Variants in ATP12A observed in about 807,000 individuals in gnomAD.
The protein encoded by ATP12A is potassium-transporting ATPase alpha chain 2.
Under a neutral mutation model 111.2 loss-of-function variants are expected in ATP12A, and 81 were observed. The observed-to-expected ratio is 0.73, with a 90% confidence interval of 0.61 to 0.88. ATP12A has a LOEUF of 0.88. Among genes scored for constraint, ATP12A ranks in the 40% least tolerant of loss-of-function variants. ATP12A has a pLI of 0.00. For missense variants in ATP12A, 1,196 were observed against 1,313.1 expected (o/e 0.91, Z 1.38); for synonymous variants, 498 against 499.8 (o/e 1.00, Z 0.05).
intron 12 of ATP12A, 34 bp from the exon 13 acceptor site, chr13:24,700,713 G>A (rs1013132520): frequency 4.4e-6 from 7 of 1,589,486 alleles, no homozygotes; most frequent in African/African-American, 1.3e-5. Context: ...TCCTATTCTA[G>A]TTTCACTGAC....
chr13:24,682,093 TGTG>T (rs1220187650), intron 2 of ATP12A, among the ~76,000 whole-genome samples: 3 of 104,048 alleles, frequency 2.9e-5, no homozygotes, highest in African/African-American at 4.1e-5. Flanking sequence ...GTGTGGTGTG[TGTG>T]ATGTGTGTGT....
chr13:24,688,784 A>G (rs1287184651), intron 4 of ATP12A, among the ~76,000 whole-genome samples: 4 of 152,222 alleles, frequency 2.6e-5, no homozygotes, highest in Admixed American at 2.0e-4. Context: ...GTCTCCCCCA[A>G]GCTAACCTCT....
rs904253777 is a variant in ATP12A, at chr13:24,685,466, G to A, written c.228+93G>A. On this transcript the variant is annotated intron_variant, in intron 3 of 22. Transcript: ENST00000381946. The surrounding 1 kb of genome is among the most constrained non-coding windows in gnomAD (Gnocchi z 5.5). Reference sequence around the variant, plus strand: ...GCGGGGGGCTGTGTGGAAGAGTAGCGGCACCTTTAGGAGGAGGGGCCCCTG... The same window carrying A: ...GCGGGGGGCTGTGTGGAAGAGTAGCAGCACCTTTAGGAGGAGGGGCCCCTG... The A allele has an allele frequency of 1.7e-5, 22 of 1,333,064 alleles. No homozygotes were observed. The highest frequency in any genetic ancestry group is 3.7e-4 in the Middle Eastern group (2 of 5,468). The allele number at this position is 1,333,064 out of a possible 1,614,324, so 82.6% of individuals were successfully genotyped here.
At chr13:24,695,811 G>T (rs1421267073) in intron 11 of ATP12A, among the ~76,000 whole-genome samples, 1 of 152,090 alleles carries the variant, frequency 6.6e-6, no homozygotes, top group Admixed American at 6.5e-5. Context: ...GTTTCACCTT[G>T]TTGGCTGGGC....
chr13:24,708,621 G>A (rs1875770235), intron 17 of ATP12A, among the ~76,000 whole-genome samples: 1 of 152,056 alleles, frequency 6.6e-6, no homozygotes, highest in African/African-American at 2.4e-5. Context: ...GACACCTGTA[G>A]CCTAGCTACT....
Position 24,688,458 on chromosome 13 carries a change from C to A in ATP12A, c.368C>A (p.Ala123Asp). ...TTCTCTATCCTCCTGTGGGTGGGCG[C>A]CTTTCTCTGTTGGATTGCATATGGG... ...GGFSILLWVG[A>D]FLCWIAYGIQ... The change falls in exon 4 of 23, where the codon GCC becomes GAC. Residue 123 changes from alanine (A) to aspartate (D), a missense_variant. Around this residue, in one of 3 missense-constraint regions of ATP12A, gnomAD observed 1,126 missense variants for 1,228.5 expected, o/e 0.92. Coordinates refer to ENST00000381946, the MANE Select transcript of ATP12A (RefSeq NM_001676.7). 1 of 1,613,862 alleles carries A rather than the reference C, an allele frequency of 6.2e-7. No individual in the cohort carries two copies.
At position 24,700,895 on chromosome 13, in the gene ATP12A, C is replaced by T; in HGVS notation, c.1854C>T (p.Val618=). The change falls in exon 13 of 23, where the codon GTC becomes GTT. Residue 618 remains valine, a synonymous_variant. Transcript: ENST00000381946. ...DPPRSTVPDA[V]TKCRSAGIKV... ...CTCGGTCCACCGTGCCAGATGCAGT[C>T]ACCAAATGCCGGAGTGCAGGGATCA... The T allele has an allele frequency of 6.2e-7, 1 of 1,614,156 alleles. No individual in the cohort carries two copies. Among genetic ancestry groups the T allele is most frequent in the Non-Finnish European group, 8.5e-7 (1 of 1,180,010 alleles).
At chr13:24,692,963 G>A (rs1874978295) in intron 10 of ATP12A, 67 bp downstream of exon 10, 2 of 1,429,298 alleles carry the variant, frequency 1.4e-6, no homozygotes, top group South Asian at 1.2e-5. Context: ...AGGTCTGATT[G>A]GGTGCTTGAT....
Position 24,712,229 on chromosome 13 carries a change from C to T in ATP12A, c.*707C>T, listed in dbSNP as rs1876004349. The T allele has an allele frequency of 6.6e-6, 1 of 152,624 alleles. No homozygotes were observed. The highest frequency in any genetic ancestry group is 2.4e-5 in the African/African-American group (1 of 41,452). The allele number at this position is 152,624 out of a possible 1,614,324, so 9.5% of individuals were successfully genotyped here. On this transcript the variant is annotated 3_prime_UTR_variant, in exon 23 of 23. Coordinates refer to ENST00000381946, the MANE Select transcript of ATP12A (RefSeq NM_001676.7). ...GAGCTCCCAGTTCATTTTGCATATCCTAACTCAAAATGCTCAGCTAATCCA... is the reference window on the plus strand; with the variant it reads ...GAGCTCCCAGTTCATTTTGCATATCTTAACTCAAAATGCTCAGCTAATCCA...
At chr13:24,701,517 A>C (rs12855472) in intron 13 of ATP12A, among the ~76,000 whole-genome samples, 1 of 148,732 alleles carries the variant, frequency 6.7e-6, no homozygotes, top group Admixed American at 6.8e-5. Flanking sequence ...AAAAAAAAAA[A>C]AAAGAAAGAA....
rs201116371 is a variant in ATP12A, at chr13:24,708,960, A to AGAAG, written c.2494-400_2494-397dup. Reference sequence around the variant, plus strand: ...AAGAAAGAAAGAAAGAAAGAAAGAAAGAAGGAAAGAGAAAGAGAAATGAAT... The same window carrying AGAAG: ...AAGAAAGAAAGAAAGAAAGAAAGAAAGAAGGAAGGAAAGAGAAAGAGAAATGAAT... On this transcript the variant is annotated intron_variant, in intron 17 of 22. Transcript: ENST00000381946. Among the ~76,000 whole-genome samples the AGAAG allele has an allele frequency of 1.8e-3, 224 of 126,496 alleles. 3 individuals carry two copies. The highest frequency in any genetic ancestry group is 5.8e-3 in the African/African-American group (206 of 35,510). 83.0% of individuals were successfully genotyped at this position (126,496 alleles called of 152,430 possible).
chr13:24,696,424 G>GCCT (rs1555254814), intron 11 of ATP12A, among the ~76,000 whole-genome samples: 1 of 134,240 alleles, frequency 7.4e-6, no homozygotes, highest in Admixed American at 8.5e-5. Context: ...GGGGAGAGGG[G>GCCT]GGCCGGGCGC....
chr13:24,706,956 C>T (rs1875680410), intron 15 of ATP12A, 67 bp from the exon 16 acceptor site: 1 of 1,495,668 alleles, frequency 6.7e-7, no homozygotes, highest in Admixed American at 2.3e-5. Flanking sequence ...AGTCTTGTTG[C>T]TCTTGCCAGG....
At chr13:24,680,819 G>A (rs1026931758) in intron 1 of ATP12A, 67 bp downstream of exon 1, 1 of 1,428,738 alleles carries the variant, frequency 7.0e-7, no homozygotes, top group Admixed American at 3.1e-5. Flanking sequence ...GACCGGAGCA[G>A]GCTGACGGGA....
intron 2 of ATP12A, among the ~76,000 whole-genome samples, chr13:24,681,933 A>G (rs12871312): frequency 0.79 from 108,842 of 137,888 alleles, 42,165 homozygotes; most frequent in Non-Finnish European, 0.86. Flanking sequence ...GTGTCTGTGT[A>G]GTGTGTGGTG....
intron 15 of ATP12A, 77 bp downstream of exon 15, chr13:24,706,540 A>G (rs900112642): frequency 9.7e-6 from 15 of 1,544,068 alleles, no homozygotes; most frequent in South Asian, 1.3e-5. Context: ...TGGATCTCAC[A>G]TCAGGCTGTG....
In ATP12A at chr13:24,681,690, C is replaced by G; in HGVS notation, c.138C>G (p.His46Gln). The change falls in exon 2 of 23, where the codon CAC becomes CAG. Residue 46 changes from histidine to glutamine, a missense_variant. His to Gln is a conservative substitution (Grantham distance 24). Around this residue, in one of 3 missense-constraint regions of ATP12A, gnomAD observed 67 missense variants for 64.0 expected, o/e 1.05. Transcript: ENST00000381946. ...NNCLELKKKN[H>Q]KEEFQKELHL... Reference sequence around the variant, plus strand: ...GCCTGGAACTCAAAAAGAAAAATCACAAAGAGGAGTTTCAGAAAGAACTCC... The same window carrying G: ...GCCTGGAACTCAAAAAGAAAAATCAGAAAGAGGAGTTTCAGAAAGAACTCC... 1 of 1,614,188 alleles carries G rather than the reference C, an allele frequency of 6.2e-7. No individual in the cohort carries two copies. The highest frequency in any genetic ancestry group is 8.5e-7 in the Non-Finnish European group (1 of 1,180,028).
intron 1 of ATP12A, 54 bp downstream of exon 1, chr13:24,680,806 G>A: frequency 6.9e-7 from 1 of 1,454,946 alleles, no homozygotes. Flanking sequence ...CCAAGGCCCC[G>A]GGGACCGGAG....
intron 11 of ATP12A, among the ~76,000 whole-genome samples, chr13:24,697,509 A>G (rs1209538708): frequency 6.6e-6 from 1 of 151,950 alleles, no homozygotes; most frequent in Non-Finnish European, 1.5e-5. Flanking sequence ...GCATGGTGGC[A>G]CATACCTGTA....
Sources: allele counts gnomAD v4.1 joint callset (sites outside exome capture counted in the v4.1 genomes callset), GRCh38; gene constraint gnomAD v4.1.1; regional missense constraint gnomAD v4.1.1; non-coding constraint Gnocchi (gnomAD v3.1); transcripts MANE v1.5; gene names NCBI Gene and HGNC (gene_info 2026-07-23, HGNC 2026-07-21).